Variants in FCHSD2 observed in about 807,000 individuals in gnomAD.
The protein encoded by FCHSD2 is F-BAR and double SH3 domains protein 2.
Under a neutral mutation model 108.1 loss-of-function variants are expected in FCHSD2, and 38 were observed. The observed-to-expected ratio is 0.35, with a 90% confidence interval of 0.27 to 0.46. The LOEUF is 0.46. Ranked by LOEUF, FCHSD2 falls within the 20% of genes least tolerant of loss-of-function variation. The pLI, the probability that FCHSD2 is intolerant of heterozygous loss-of-function variation, is 1.00. For missense variants in FCHSD2, 751 were observed against 897.8 expected (o/e 0.84, Z 2.09); for synonymous variants, 279 against 314.7 (o/e 0.89, Z 1.20).
At chr11:72,846,925 A>G (rs1235295100) in intron 14 of FCHSD2, among the ~76,000 whole-genome samples, 1 of 152,176 alleles carries the variant, frequency 6.6e-6, no homozygotes, top group Non-Finnish European at 1.5e-5. Flanking sequence ...GTTTCATAAT[A>G]TTATATGTTA....
chr11:72,921,446 C>T (rs1021129220), intron 9 of FCHSD2, among the ~76,000 whole-genome samples: 6 of 152,184 alleles, frequency 3.9e-5, no homozygotes, highest in South Asian at 2.1e-4. Context: ...TTACAAAACG[C>T]TCCTTTTCCC....
chr11:72,910,076 T>A, intron 9 of FCHSD2, among the ~76,000 whole-genome samples: 2 of 138,890 alleles, frequency 1.4e-5, no homozygotes, highest in African/African-American at 2.8e-5. Context: ...GGCCGCCCCA[T>A]CTGGGAGGTG....
intron 2 of FCHSD2, among the ~76,000 whole-genome samples, chr11:73,130,172 C>A (rs541571275): frequency 6.6e-6 from 1 of 152,190 alleles, no homozygotes; most frequent in East Asian, 1.9e-4. Context: ...CCGCGCCTGG[C>A]CCATAATCTC....
intron 12 of FCHSD2, among the ~76,000 whole-genome samples, chr11:72,873,609 C>A (rs915654915): frequency 6.6e-6 from 1 of 152,072 alleles, no homozygotes; most frequent in Non-Finnish European, 1.5e-5. Flanking sequence ...TCTAGTTTTT[C>A]TTTTGCTGCT....
At chr11:72,853,715 A>C (rs1861353178) in intron 13 of FCHSD2, among the ~76,000 whole-genome samples, 2 of 152,220 alleles carry the variant, frequency 1.3e-5, no homozygotes, top group African/African-American at 4.8e-5. Flanking sequence ...CAAAAGAAAA[A>C]AACAGATAAA....
intron 13 of FCHSD2, among the ~76,000 whole-genome samples, chr11:72,866,490 G>A (rs1446866027): frequency 6.6e-6 from 1 of 152,026 alleles, no homozygotes; most frequent in Admixed American, 6.6e-5. Flanking sequence ...GGCTGGTCTC[G>A]AACTCCTGAC....
chr11:73,058,205 A>G (rs1859076297), intron 3 of FCHSD2, among the ~76,000 whole-genome samples: 1 of 152,056 alleles, frequency 6.6e-6, no homozygotes, highest in Non-Finnish European at 1.5e-5. Flanking sequence ...AAGGTATTGG[A>G]CCATTATTGT....
intron 17 of FCHSD2, among the ~76,000 whole-genome samples, 164 bp from the exon 18 acceptor site, chr11:72,841,747 G>A (rs1470313198): frequency 6.6e-6 from 1 of 152,110 alleles, no homozygotes; most frequent in Non-Finnish European, 1.5e-5. Context: ...ACCACCTCAA[G>A]CTCCAATTTT....
At chr11:72,938,199 T>C (rs1483555252) in intron 8 of FCHSD2, among the ~76,000 whole-genome samples, 1 of 63,444 alleles carries the variant, frequency 1.6e-5, no homozygotes, top group Non-Finnish European at 3.1e-5. Context: ...TTTTTTTTTT[T>C]TGAGACGGAG....
intron 2 of FCHSD2, among the ~76,000 whole-genome samples, chr11:73,126,855 T>G (rs532750173): frequency 3.5e-4 from 54 of 152,234 alleles, no homozygotes; most frequent in African/African-American, 1.3e-3. Flanking sequence ...CTGACCAACA[T>G]GGCAAAACCC....
intron 8 of FCHSD2, among the ~76,000 whole-genome samples, chr11:72,966,996 A>G (rs979758330): frequency 6.6e-6 from 1 of 152,056 alleles, no homozygotes; most frequent in Non-Finnish European, 1.5e-5. Flanking sequence ...CAGGAGATTG[A>G]GACCATCCTG....
intron 12 of FCHSD2, among the ~76,000 whole-genome samples, chr11:72,870,667 G>A (rs755637855): frequency 5.9e-5 from 9 of 151,624 alleles, no homozygotes; most frequent in Non-Finnish European, 7.4e-5. Flanking sequence ...TTGGGAAGCC[G>A]AGGGGGGCAG....
At chr11:73,061,609 C>CTCGA (rs1214539850) in intron 3 of FCHSD2, among the ~76,000 whole-genome samples, 1 of 152,160 alleles carries the variant, frequency 6.6e-6, no homozygotes, top group Non-Finnish European at 1.5e-5. Flanking sequence ...CGACCTGGGA[C>CTCGA]GCTCGAGCTT....
At chr11:73,042,119 G>A (rs536891878) in intron 3 of FCHSD2, among the ~76,000 whole-genome samples, 1 of 152,010 alleles carries the variant, frequency 6.6e-6, no homozygotes, top group Admixed American at 6.6e-5. Context: ...TAGAGACAGG[G>A]TTTCACTGTG....
chr11:73,014,007 T>C (rs1231937735), intron 4 of FCHSD2, among the ~76,000 whole-genome samples: 1 of 152,124 alleles, frequency 6.6e-6, no homozygotes, highest in Non-Finnish European at 1.5e-5. Context: ...CCATGCTCAC[T>C]GTCACCTCAA....
chr11:72,943,241 C>A (rs528303581), intron 8 of FCHSD2, among the ~76,000 whole-genome samples: 3 of 151,848 alleles, frequency 2.0e-5, no homozygotes, highest in African/African-American at 7.3e-5. Context: ...GATCTGCCCA[C>A]CTCTACCTCC....
At chr11:72,996,291 C>A (rs973866348) in intron 5 of FCHSD2, among the ~76,000 whole-genome samples, 10 of 152,186 alleles carry the variant, frequency 6.6e-5, no homozygotes, top group African/African-American at 2.4e-4. Flanking sequence ...AATAATAATA[C>A]TTAAATACTA....
At chr11:72,894,802 A>G (rs550107126) in intron 10 of FCHSD2, among the ~76,000 whole-genome samples, 1 of 152,298 alleles carries the variant, frequency 6.6e-6, no homozygotes, top group Admixed American at 6.5e-5. Flanking sequence ...GAGGTTATTT[A>G]TAGTTTTTTC....
intron 3 of FCHSD2, among the ~76,000 whole-genome samples, chr11:73,032,146 T>C (rs556140271): frequency 6.6e-6 from 1 of 152,318 alleles, no homozygotes; most frequent in East Asian, 1.9e-4. Flanking sequence ...TAAGCATATA[T>C]ACTCTAGAAT....
Sources: allele counts gnomAD v4.1 joint callset (sites outside exome capture counted in the v4.1 genomes callset), GRCh38; gene constraint gnomAD v4.1.1; transcripts MANE v1.5; gene names NCBI Gene and HGNC (gene_info 2026-07-23, HGNC 2026-07-21).